DESI1: variants seen among roughly 807,000 people sequenced by gnomAD.
DESI1 encodes the protein PPPDE peptidase domain containing 2.
In DESI1, 17 loss-of-function variants were observed where a neutral mutation model predicts 22.4. That is an observed-to-expected ratio of 0.76 (90% CI 0.52 to 1.14). The LOEUF is 1.14. DESI1 is among the 50% of genes most tolerant of loss of function. The probability of loss-of-function intolerance (pLI) is 0.00; values close to 1 mark genes in which losing one functional copy is unlikely to be tolerated. For missense variants in DESI1, 177 were observed against 208.9 expected (o/e 0.85, Z 0.94); for synonymous variants, 92 against 84.2 (o/e 1.09, Z -0.51).
chr22:41,607,001 C>T (rs148349399), intron 3 of DESI1, among the ~76,000 whole-genome samples: 1 of 152,184 alleles, frequency 6.6e-6, no homozygotes, highest in East Asian at 1.9e-4. Flanking sequence ...TCGCAAGGAG[C>T]TTACACAGTT....
chr22:41,603,479 T>C, intron 4 of DESI1, 98 bp from the exon 5 acceptor site: 1 of 1,549,192 alleles, frequency 6.5e-7, no homozygotes, highest in Non-Finnish European at 8.8e-7. Flanking sequence ...CACAGCTCAA[T>C]GTGAGGATTG....
chr22:41,615,151 C>T (rs535353178), intron 1 of DESI1, among the ~76,000 whole-genome samples: 17 of 148,696 alleles, frequency 1.1e-4, no homozygotes, highest in African/African-American at 4.0e-4. Context: ...AAATACAGGC[C>T]GGGCGCGGTG....
Position 41,607,982 on chromosome 22 carries a change from C to G in DESI1, c.89-121G>C, listed in dbSNP as rs537155501. ...TGTCATAAACCTCTTGAGGGACTTT[C>G]TAGGAATGCAAGTCCCCTCCAGTAA... On this transcript the variant is annotated intron_variant, in intron 1 of 5. Coordinates refer to ENST00000263256, the MANE Select transcript of DESI1 (RefSeq NM_015704.3). The G allele has an allele frequency of 2.8e-6, 3 of 1,083,264 alleles. No individual in the cohort carries two copies. In the African/African-American group the frequency reaches 4.7e-5, roughly 17 times the overall value. The allele number at this position is 1,083,264 out of a possible 1,614,324, so 67.1% of individuals were successfully genotyped here.
intron 1 of DESI1, among the ~76,000 whole-genome samples, chr22:41,609,737 C>T (rs1157766497): frequency 2.6e-5 from 4 of 151,274 alleles, no homozygotes; most frequent in Non-Finnish European, 4.4e-5. Flanking sequence ...GGCAGTGAGC[C>T]GAGATTGCGC....
At chr22:41,618,867 A>G (rs1037680757) in intron 1 of DESI1, among the ~76,000 whole-genome samples, 1 of 152,210 alleles carries the variant, frequency 6.6e-6, no homozygotes, top group African/African-American at 2.4e-5. Context: ...GATCGAGACC[A>G]TCCTGGCTAA....
In DESI1 at chr22:41,601,176, G is replaced by A. The variant is rs1203465475; in HGVS notation, c.428C>T (p.Ala143Val). 3.1e-6 allele frequency: 5 copies of A among 1,610,784 alleles called. No homozygotes were observed. In the East Asian group the frequency reaches 1.1e-4, roughly 36 times the overall value. ...AATGGAGTCCAGGAGGGGCCGAAGTGCCTGTCCAAAGGGCCTGCAAGGAAA... is the reference window on the plus strand; with the variant it reads ...AATGGAGTCCAGGAGGGGCCGAAGTACCTGTCCAAAGGGCCTGCAAGGAAA... ...SEVLSTPFGQ[A>V]LRPLLDSIQI... The change falls in exon 6 of 6, where the codon GCA (alanine) becomes GTA (valine). Residue 143 changes from alanine to valine, a missense_variant. Physicochemically the swap from Ala to Val is moderately conservative, Grantham distance 64. Transcript: ENST00000263256.
intron 3 of DESI1, 99 bp from the exon 4 acceptor site, chr22:41,604,252 T>TAA: frequency 5.8e-6 from 1 of 173,206 alleles, no homozygotes; most frequent in South Asian, 2.4e-4. Context: ...TGTTCTGACT[T>TAA]TTTTTTTTTT....
chr22:41,612,334 C>T (rs527654380), intron 1 of DESI1, among the ~76,000 whole-genome samples: 1 of 151,862 alleles, frequency 6.6e-6, no homozygotes, highest in Admixed American at 6.6e-5. Flanking sequence ...CATGGTGAAA[C>T]CCCATCTCTA....
intron 1 of DESI1, among the ~76,000 whole-genome samples, chr22:41,608,891 A>G (rs2067498823): frequency 6.6e-6 from 1 of 152,202 alleles, no homozygotes; most frequent in Non-Finnish European, 1.5e-5. Flanking sequence ...ATCACTTCAC[A>G]CGGCGACATG....
In DESI1 at chr22:41,615,780, T is replaced by G. The variant is rs184856856; in HGVS notation, c.88+4972A>C. ...CTCCAGGCTCTTGCCAAAGCCTCTC[T>G]GACATGCTCAGCTCACCATGGCCTC... On this transcript the variant is annotated intron_variant, in intron 1 of 5. Coordinates refer to ENST00000263256, the MANE Select transcript of DESI1 (RefSeq NM_015704.3). 2.2e-3 allele frequency among the ~76,000 whole-genome samples: 340 copies of G among 152,350 alleles called. 1 individual carries two copies. Among genetic ancestry groups the G allele is most frequent in the Middle Eastern group, 6.8e-3 (2 of 294 alleles).
intron 3 of DESI1, 113 bp from the exon 4 acceptor site, chr22:41,604,266 T>A: frequency 2.2e-6 from 2 of 918,280 alleles, no homozygotes. Context: ...TTTTTTTTTT[T>A]TTTTTTTAGA....
At chr22:41,601,475 A>G (rs1190168607) in intron 5 of DESI1, among the ~76,000 whole-genome samples, 1 of 152,168 alleles carries the variant, frequency 6.6e-6, no homozygotes, top group African/African-American at 2.4e-5. Context: ...TGGTTTGAGT[A>G]GGCTGGCTAC....
rs570301996 is a variant in DESI1, at chr22:41,607,171, C to T, written c.180+91G>A. 9.0e-4 allele frequency: 1,127 copies of T among 1,257,320 alleles called. 1 individual carries two copies. The highest frequency in any genetic ancestry group is 1.1e-3 in the Non-Finnish European group (1,051 of 936,284). The allele number at this position is 1,257,320 out of a possible 1,614,324, so 77.9% of individuals were successfully genotyped here. A position where few individuals can be genotyped will look rare whatever the true frequency, so the allele number is the denominator to read the frequency against. ...CTTCAGGTGGCTTTGAGGAACAATG[C>T]CAGAAGTCCATAGTAGAAGCAAAGC... is the stretch of plus-strand genomic sequence containing the variant. On this transcript the variant is annotated intron_variant, in intron 3 of 5. Transcript: ENST00000263256.
At chr22:41,607,369 T>TA in intron 2 of DESI1, 38 bp from the exon 3 acceptor site, 1 of 1,580,026 alleles carries the variant, frequency 6.3e-7, no homozygotes, top group Non-Finnish European at 8.6e-7. Flanking sequence ...CCAGAAAACT[T>TA]AAACTTTTGA....
At chr22:41,613,685 T>A (rs182680902) in intron 1 of DESI1, among the ~76,000 whole-genome samples, 1 of 152,342 alleles carries the variant, frequency 6.6e-6, no homozygotes, top group East Asian at 1.9e-4. Context: ...TTGCAATGAC[T>A]CTGCCACCCT....
chr22:41,614,006 A>G (rs374296779), intron 1 of DESI1, among the ~76,000 whole-genome samples: 22 of 152,066 alleles, frequency 1.4e-4, no homozygotes, highest in Admixed American at 4.6e-4. Flanking sequence ...GGAGATAGGG[A>G]CTATAGAAAA....
chr22:41,609,818 TG>T (rs563750035), intron 1 of DESI1, among the ~76,000 whole-genome samples: 36 of 150,208 alleles, frequency 2.4e-4, no homozygotes, highest in Non-Finnish European at 4.4e-4. Context: ...CCAGGTGTGG[TG>T]GCTCACACCT....
In DESI1 at chr22:41,600,785, C is replaced by G. The variant is rs1049387710; in HGVS notation, c.*312G>C. ...GTTGGGGCTCCCGCAAACTGTGACT[C>G]GCTTTCTGTTTAAACAAAGCCCCTC... On this transcript the variant is annotated 3_prime_UTR_variant, in exon 6 of 6. Transcript: ENST00000263256. 2.5e-5 allele frequency: 7 copies of G among 280,410 alleles called. No homozygotes were observed. Among genetic ancestry groups the G allele is most frequent in the Non-Finnish European group, 4.8e-5 (7 of 144,580 alleles). The allele number at this position is 280,410 out of a possible 1,614,324, so 17.4% of individuals were successfully genotyped here.
chr22:41,601,260 C>A, intron 5 of DESI1, 70 bp from the exon 6 acceptor site: 1 of 1,435,716 alleles, frequency 7.0e-7, no homozygotes. Context: ...CCCTGTGCTG[C>A]CCACGGGTAG....
Sources: allele counts gnomAD v4.1 joint callset (sites outside exome capture counted in the v4.1 genomes callset), GRCh38; gene constraint gnomAD v4.1.1; transcripts MANE v1.5; gene names NCBI Gene and HGNC (gene_info 2026-07-23, HGNC 2026-07-21).